The following GARIN4 variants were observed in gnomAD, a reference collection of about 807,000 sequenced individuals.
The protein encoded by GARIN4 is Golgi-associated RAB2 interactor protein 4.
At chr1:212,625,638 T>C in the GARIN4 span, 1 of 1,614,030 alleles carries the variant, frequency 6.2e-7, no homozygotes, top group African/African-American at 1.3e-5. Context: ...CCCACTAATG[T>C]GCTCAATGCA....
At chr1:212,626,014 C>T in the GARIN4 span, 2 of 1,614,224 alleles carry the variant, frequency 1.2e-6, no homozygotes, top group Admixed American at 1.7e-5. Flanking sequence ...TACTGACCAG[C>T]AGGACAGCTG....
chr1:212,625,102 T>C, the GARIN4 span: 6 of 1,614,146 alleles, frequency 3.7e-6, no homozygotes, highest in Non-Finnish European at 4.2e-6. Context: ...GCATTGCACG[T>C]ACCAGCCCCA....
the GARIN4 span, chr1:212,626,547 C>T: frequency 2.7e-5 from 44 of 1,613,986 alleles, no homozygotes; most frequent in Middle Eastern, 3.3e-4. Context: ...GCTAAGATGG[C>T]GGAGAGGAGC....
At chr1:212,625,881 T>A in the GARIN4 span, 3 of 1,614,222 alleles carry the variant, frequency 1.9e-6, no homozygotes, top group Non-Finnish European at 2.5e-6. Context: ...ACTGCCAGCA[T>A]GGCTCCAAAC....
chr1:212,625,485 G>A, the GARIN4 span: 27 of 1,614,216 alleles, frequency 1.7e-5, no homozygotes, highest in Middle Eastern at 1.6e-4. Context: ...GAAGACAGGA[G>A]GAGCCTGGGA....
the GARIN4 span, chr1:212,626,060 G>T: frequency 6.2e-7 from 1 of 1,614,190 alleles, no homozygotes; most frequent in Non-Finnish European, 8.5e-7. Context: ...GGGACCTCCC[G>T]TCTCCACCCG....
chr1:212,626,204 G>A, the GARIN4 span: 4 of 1,614,156 alleles, frequency 2.5e-6, no homozygotes, highest in Non-Finnish European at 3.4e-6. Context: ...CCGCAGGACA[G>A]GTGAAAGCCG....
chr1:212,626,685 G>A, the GARIN4 span: 1 of 1,565,652 alleles, frequency 6.4e-7, no homozygotes, highest in East Asian at 2.2e-5. Flanking sequence ...GCTGGAAGCT[G>A]CAAAGGAGCC....
the GARIN4 span, chr1:212,626,049 C>T: frequency 1.2e-5 from 19 of 1,614,170 alleles, no homozygotes; most frequent in Admixed American, 1.0e-4. Flanking sequence ...GATGCAGCAG[C>T]GGGACCTCCC....
chr1:212,625,988 G>A, the GARIN4 span: 2 of 1,614,240 alleles, frequency 1.2e-6, no homozygotes, highest in Non-Finnish European at 8.5e-7. Context: ...TGTGAGCCTG[G>A]CCATTGCAGG....
the GARIN4 span, chr1:212,624,889 T>C: frequency 6.3e-7 from 1 of 1,585,988 alleles, no homozygotes; most frequent in Non-Finnish European, 8.6e-7. Context: ...TGAATGCTGA[T>C]TTTCTGCTGC....
At chr1:212,625,281 A>G in the GARIN4 span, 2 of 1,614,244 alleles carry the variant, frequency 1.2e-6, no homozygotes, top group South Asian at 2.2e-5. Context: ...CAAGACCATG[A>G]GAAACAACAG....
the GARIN4 span, chr1:212,625,820 G>A: frequency 1.2e-6 from 2 of 1,614,238 alleles, no homozygotes; most frequent in East Asian, 2.2e-5. Flanking sequence ...CATAGCTGGG[G>A]CGGCCACCAT....
the GARIN4 span, chr1:212,624,896 C>T: frequency 6.3e-7 from 1 of 1,589,016 alleles, no homozygotes; most frequent in Non-Finnish European, 8.6e-7. Flanking sequence ...TGATTTTCTG[C>T]TGCCGTATTA....
the GARIN4 span, chr1:212,625,195 G>A: frequency 9.9e-6 from 16 of 1,613,934 alleles, no homozygotes; most frequent in East Asian, 2.2e-5. Flanking sequence ...AGGCCACCAA[G>A]AGAAAAAAAC....
chr1:212,625,156 C>T, the GARIN4 span: 98 of 1,614,154 alleles, frequency 6.1e-5, no homozygotes, highest in African/African-American at 1.1e-3. Context: ...GACCGGCCAC[C>T]GGCTGCGAAG....
the GARIN4 span, chr1:212,625,466 G>A: frequency 2.6e-4 from 415 of 1,614,202 alleles, 1 homozygote; most frequent in African/African-American, 5.1e-3. Flanking sequence ...GTGGATGCCT[G>A]TGTTTCAGGA....
chr1:212,626,646 C>T, the GARIN4 span: 16 of 1,601,162 alleles, frequency 1.0e-5, no homozygotes, highest in African/African-American at 1.3e-4. Flanking sequence ...GAGACAGTGA[C>T]CTTTGAAGCC....
the GARIN4 span, chr1:212,625,440 C>T: frequency 6.2e-7 from 1 of 1,614,036 alleles, no homozygotes; most frequent in Non-Finnish European, 8.5e-7. Flanking sequence ...TGTGGCATTC[C>T]AGCTGAAGAC....
Sources: gnomAD v4.1 joint callset for allele counts on GRCh38, gnomAD v4.1.1 for gene constraint, MANE v1.5 for transcripts, NCBI Gene and HGNC (gene_info 2026-07-23, HGNC 2026-07-21) for gene names.